Variants in RICTOR observed in about 807,000 individuals in gnomAD.
RICTOR encodes rapamycin-insensitive companion of mTOR.
RICTOR carries 49 observed loss-of-function variants against 214.9 expected under a neutral mutation model. That is an observed-to-expected ratio of 0.23 (90% confidence interval 0.18 to 0.29). The LOEUF is 0.29. Ranked by LOEUF, RICTOR falls within the 10% of genes least tolerant of loss-of-function variation. The pLI is 1.00. For missense variants in RICTOR, 1,625 were observed against 2,047.0 expected (o/e 0.79, Z 3.98); for synonymous variants, 717 against 711.3 (o/e 1.01, Z -0.13).
At chr5:38,975,167 C>A (rs1751107253) in intron 10 of RICTOR, among the ~76,000 whole-genome samples, 1 of 152,172 alleles carries the variant, frequency 6.6e-6, no homozygotes, top group South Asian at 2.1e-4. Context: ...TATTTTGTAT[C>A]TATGACACTA....
In RICTOR at chr5:38,994,451, A is replaced by AAAAAAAAAAAAAAAAAG. The variant is rs1304761708; in HGVS notation, c.456+2367_456+2368insCTTTTTTTTTTTTTTTT. Reference sequence around the variant, plus strand: ...AAAAAAAAAAAAAAAAAAAAAAAAAAAGTGCTTCAGATGCCAAAAGCACTA... The same window carrying AAAAAAAAAAAAAAAAAG: ...AAAAAAAAAAAAAAAAAAAAAAAAAAAAAAAAAAAAAAAAAAGAGTGCTTCAGATGCCAAAAGCACTA... On this transcript the variant is annotated intron_variant, in intron 6 of 37. Coordinates refer to ENST00000357387, the MANE Select transcript of RICTOR (RefSeq NM_152756.5). Among the ~76,000 whole-genome samples the AAAAAAAAAAAAAAAAAG allele has an allele frequency of 1.6e-3, 167 of 101,558 alleles. 40 individuals carry two copies. The highest frequency in any genetic ancestry group is 5.1e-3 in the East Asian group (18 of 3,496). 66.6% of individuals were successfully genotyped at this position (101,558 alleles called of 152,430 possible).
intron 5 of RICTOR, among the ~76,000 whole-genome samples, chr5:39,000,602 A>G (rs1753540902): frequency 6.6e-6 from 1 of 152,150 alleles, no homozygotes; most frequent in Non-Finnish European, 1.5e-5. Context: ...CTTGTCCATT[A>G]TTATCATTCC....
At chr5:38,947,213 G>T in intron 32 of RICTOR, 51 bp downstream of exon 32, 1 of 1,375,200 alleles carries the variant, frequency 7.3e-7, no homozygotes, top group South Asian at 1.2e-5. Context: ...TACAGCATAT[G>T]AAAAAATAGG....
At chr5:39,061,194 C>T (rs984500335) in intron 2 of RICTOR, among the ~76,000 whole-genome samples, 26 of 152,180 alleles carry the variant, frequency 1.7e-4, no homozygotes, top group African/African-American at 6.0e-4. Context: ...GTAACCAAAT[C>T]TCTAATAGCA....
chr5:38,997,523 C>T (rs1753265596), intron 5 of RICTOR, among the ~76,000 whole-genome samples: 2 of 152,076 alleles, frequency 1.3e-5, no homozygotes, highest in Admixed American at 1.3e-4. Context: ...ATTCAAAAAG[C>T]ATTTCTTCTA....
intron 3 of RICTOR, among the ~76,000 whole-genome samples, chr5:39,016,235 A>G: frequency 6.6e-6 from 1 of 151,834 alleles, no homozygotes; most frequent in East Asian, 1.9e-4. Context: ...AACAAACAAG[A>G]CAAAAAGTAC....
intron 2 of RICTOR, among the ~76,000 whole-genome samples, chr5:39,031,057 T>A (rs1756239005): frequency 6.6e-6 from 1 of 152,186 alleles, no homozygotes; most frequent in South Asian, 2.1e-4. Flanking sequence ...CTAGGCTTCA[T>A]ACAAGGTTTT....
intron 24 of RICTOR, among the ~76,000 whole-genome samples, chr5:38,957,941 A>T (rs1749423099): frequency 6.6e-6 from 1 of 152,178 alleles, no homozygotes; most frequent in Admixed American, 6.5e-5. Context: ...ACCCAATCAC[A>T]ATAAAGAAAA....
intron 34 of RICTOR, 94 bp downstream of exon 34, chr5:38,945,395 ACT>A: frequency 2.5e-6 from 2 of 788,914 alleles, no homozygotes; most frequent in South Asian, 1.7e-5. Context: ...CAGCTGGGAA[ACT>A]CTGAATTAGA....
At chr5:38,990,628 T>TATATGAC (rs1286469105) in intron 7 of RICTOR, among the ~76,000 whole-genome samples, 1 of 95,658 alleles carries the variant, frequency 1.0e-5, no homozygotes, top group African/African-American at 4.0e-5. Flanking sequence ...ATATATGATA[T>TATATGAC]ATATATCTGA....
At chr5:39,063,675 A>G (rs1256563318) in intron 2 of RICTOR, among the ~76,000 whole-genome samples, 1 of 152,162 alleles carries the variant, frequency 6.6e-6, no homozygotes, top group African/African-American at 2.4e-5. Flanking sequence ...GCTATATCCC[A>G]ACAGAAACTC....
At chr5:39,015,483 G>A (rs1754872984) in intron 3 of RICTOR, among the ~76,000 whole-genome samples, 1 of 151,732 alleles carries the variant, frequency 6.6e-6, no homozygotes. Flanking sequence ...TTGTCTCCCA[G>A]GGAACATTTG....
At position 38,990,843 on chromosome 5, in the gene RICTOR, A is replaced by ATATAT. The variant is rs1752713220; in HGVS notation, c.583+105_583+106insATATA. On this transcript the variant is annotated intron_variant, in intron 7 of 37. Transcript: ENST00000357387. ...AGATATATGATATATGAGATATATGAGATATATGATATATATATGATAGAT... is the reference window on the plus strand; with the variant it reads ...AGATATATGATATATGAGATATATGATATATGATATATGATATATATATGATAGAT... The ATATAT allele has an allele frequency of 1.2e-5, 3 of 244,988 alleles. No homozygotes were observed. The African/African-American group carries it at 4.6e-4, about 38-fold the overall frequency. 15.2% of individuals were successfully genotyped at this position (244,988 alleles called of 1,614,324 possible).
chr5:39,044,702 CA>C (rs1483425146), intron 2 of RICTOR, among the ~76,000 whole-genome samples: 3 of 152,142 alleles, frequency 2.0e-5, no homozygotes, highest in Non-Finnish European at 2.9e-5. Context: ...AGCATTCACC[CA>C]AATTTGTCAA....
chr5:39,012,041 C>G (rs755723993), intron 3 of RICTOR, among the ~76,000 whole-genome samples: 1 of 152,138 alleles, frequency 6.6e-6, no homozygotes, highest in African/African-American at 2.4e-5. Context: ...TGTGTTCCCA[C>G]CCAAATCTCA....
intron 31 of RICTOR, among the ~76,000 whole-genome samples, chr5:38,948,659 C>T (rs948625714): frequency 6.6e-6 from 1 of 152,056 alleles, no homozygotes; most frequent in Non-Finnish European, 1.5e-5. Context: ...AATTCATGAA[C>T]TTTACTGCAT....
chr5:38,988,268 G>A (rs567192217), intron 7 of RICTOR, among the ~76,000 whole-genome samples: 5 of 151,994 alleles, frequency 3.3e-5, no homozygotes, highest in Non-Finnish European at 4.4e-5. Context: ...TTTCTGTCTC[G>A]TCGATCTAAT....
Position 38,960,498 on chromosome 5 carries a change from C to T in RICTOR, c.1751G>A (p.Ser584Asn). The T allele has an allele frequency of 6.2e-7, 1 of 1,613,782 alleles. No individual in the cohort carries two copies. The highest frequency in any genetic ancestry group is 8.5e-7 in the Non-Finnish European group (1 of 1,179,738). The change falls in exon 20 of 38, where the codon AGC becomes AAC. Residue 584 changes from serine to asparagine, a missense_variant. By Grantham distance (46) the Ser-to-Asn change is conservative (BLOSUM62 1). Around this residue, in one of 5 missense-constraint regions of RICTOR, gnomAD observed 1,214 missense variants for 1,470.5 expected, o/e 0.83. Coordinates refer to ENST00000357387, the MANE Select transcript of RICTOR (RefSeq NM_152756.5). ...VRRLLYFYKP[S>N]SKLYANLDLD... Reference sequence around the variant, plus strand: ...ATCCAGGTTGGCATATAATTTACTGCTGGGCTTGTAAAAATAAAGTAGTCT... The same window carrying T: ...ATCCAGGTTGGCATATAATTTACTGTTGGGCTTGTAAAAATAAAGTAGTCT...
Position 38,938,903 on chromosome 5 carries a change from CT to C in RICTOR, c.*3400del, listed in dbSNP as rs1310574870. ...CAAATAGCTCCTCTAACAAAAGTCT[CT>C]CAATTTTACCTTTTCTTTTTTCCCC... On this transcript the variant is annotated 3_prime_UTR_variant, in exon 38 of 38. Transcript: ENST00000357387. 7 of 232,924 alleles carry C rather than the reference CT, an allele frequency of 3.0e-5. No individual in the cohort carries two copies. The highest frequency in any genetic ancestry group is 1.5e-4 in the African/African-American group (7 of 45,302). The allele number at this position is 232,924 out of a possible 1,614,324, so 14.4% of individuals were successfully genotyped here. A position where few individuals can be genotyped will look rare whatever the true frequency, so the allele number is the denominator to read the frequency against.
Sources: gnomAD v4.1 joint callset for allele counts (sites outside exome capture counted in the v4.1 genomes callset) on GRCh38, gnomAD v4.1.1 for gene constraint, gnomAD v4.1.1 regional missense constraint, MANE v1.5 for transcripts, NCBI Gene and HGNC (gene_info 2026-07-23, HGNC 2026-07-21) for gene names.